Variants in NAV3 observed in about 807,000 individuals in gnomAD.
NAV3 encodes the protein pore membrane and/or filament interacting like protein 1.
In NAV3, 87 loss-of-function variants were observed where a neutral mutation model predicts 244.7. That is an observed-to-expected ratio of 0.36 (90% CI 0.30 to 0.42). The LOEUF (loss-of-function observed/expected upper bound fraction) is 0.42, where lower values mean the gene tolerates loss of function less well. NAV3 is among the 20% of genes least tolerant of loss of function. NAV3 has a pLI of 1.00. For missense variants in NAV3, 2,663 were observed against 2,893.3 expected (o/e 0.92, Z 1.83); for synonymous variants, 1,126 against 1,042.2 (o/e 1.08, Z -1.55).
chr12:77,916,950 T>C (rs1887206614), intron 1 of NAV3, among the ~76,000 whole-genome samples: 1 of 152,010 alleles, frequency 6.6e-6, no homozygotes, highest in African/African-American at 2.4e-5. Context: ...CAGTTTCTTC[T>C]CTGGCAATAT....
chr12:78,087,602 A>G (rs932296213), intron 12 of NAV3, among the ~76,000 whole-genome samples: 10 of 152,042 alleles, frequency 6.6e-5, no homozygotes, highest in African/African-American at 1.9e-4. Flanking sequence ...ATAATCTAGC[A>G]ATGGTCAAGG....
At chr12:77,740,167 A>G (rs1482511721) in intron 2 of NAV3, among the ~76,000 whole-genome samples, 1 of 152,188 alleles carries the variant, frequency 6.6e-6, no homozygotes, top group African/African-American at 2.4e-5. Flanking sequence ...GGGACTGAGA[A>G]CTGAACATGA....
chr12:78,090,243 A>G (rs1020646276), intron 12 of NAV3, among the ~76,000 whole-genome samples: 2 of 147,378 alleles, frequency 1.4e-5, no homozygotes, highest in Non-Finnish European at 3.0e-5. Context: ...TTATATATAT[A>G]TATCAAATTT....
At chr12:77,869,309 G>A (rs929018650) in intron 1 of NAV3, among the ~76,000 whole-genome samples, 4 of 151,974 alleles carry the variant, frequency 2.6e-5, no homozygotes, top group African/African-American at 7.3e-5. Context: ...TCTATTGGGG[G>A]CAAGGTTTTT....
At chr12:77,602,596 G>A (rs1301924454) in intron 2 of NAV3, among the ~76,000 whole-genome samples, 2 of 151,802 alleles carry the variant, frequency 1.3e-5, no homozygotes, top group Non-Finnish European at 2.9e-5. Flanking sequence ...GGTGCAGAGA[G>A]CCAATAAAAA....
At chr12:77,709,411 C>T (rs1875996307) in intron 2 of NAV3, among the ~76,000 whole-genome samples, 2 of 152,302 alleles carry the variant, frequency 1.3e-5, no homozygotes, top group South Asian at 4.1e-4. Context: ...GATGCCCTCT[C>T]TCACCACTCC....
At chr12:78,071,850 T>G (rs540524381) in intron 12 of NAV3, among the ~76,000 whole-genome samples, 29 of 152,158 alleles carry the variant, frequency 1.9e-4, no homozygotes, top group East Asian at 1.2e-3. Flanking sequence ...AGACCACAGT[T>G]CAATCAAACT....
chr12:78,102,941 C>A (rs2138238423), intron 12 of NAV3, among the ~76,000 whole-genome samples: 1 of 152,254 alleles, frequency 6.6e-6, no homozygotes. Context: ...GCTTCTGGAT[C>A]AGTGAAGGGT....
At chr12:77,870,510 T>C (rs566572114) in intron 1 of NAV3, among the ~76,000 whole-genome samples, 2 of 152,288 alleles carry the variant, frequency 1.3e-5, no homozygotes, top group South Asian at 4.2e-4. Flanking sequence ...TGTTTTTTAT[T>C]AGTTAGACAT....
At chr12:77,690,601 G>T (rs1346875172) in intron 2 of NAV3, among the ~76,000 whole-genome samples, 3 of 150,282 alleles carry the variant, frequency 2.0e-5, no homozygotes, top group African/African-American at 7.3e-5. Flanking sequence ...AGGTTTTTGC[G>T]GCCAGAAATC....
At chr12:77,885,704 T>C (rs955321495) in intron 1 of NAV3, among the ~76,000 whole-genome samples, 2 of 152,290 alleles carry the variant, frequency 1.3e-5, no homozygotes, top group African/African-American at 2.4e-5. Context: ...TCTGTTAAGA[T>C]GCACTTCAAT....
intron 9 of NAV3, among the ~76,000 whole-genome samples, chr12:78,023,607 G>A (rs1877512862): frequency 6.6e-6 from 1 of 152,148 alleles, no homozygotes; most frequent in Non-Finnish European, 1.5e-5. Flanking sequence ...TTTAAATGCA[G>A]CCTATAGTGG....
At chr12:78,170,149 C>A (rs1014551656) in intron 24 of NAV3, among the ~76,000 whole-genome samples, 2 of 151,696 alleles carry the variant, frequency 1.3e-5, no homozygotes, top group African/African-American at 4.8e-5. Context: ...GAGAACTCCA[C>A]GTGGATATCT....
At chr12:78,004,867 G>A (rs1873930036) in intron 7 of NAV3, among the ~76,000 whole-genome samples, 2 of 152,172 alleles carry the variant, frequency 1.3e-5, no homozygotes, top group African/African-American at 2.4e-5. Flanking sequence ...TGTTACAGCT[G>A]CTGTTATGAC....
At position 78,177,626 on chromosome 12, in the gene NAV3, C is replaced by T; in HGVS notation, c.5304C>T (p.Pro1768=). The T allele has an allele frequency of 6.3e-7, 1 of 1,597,162 alleles. No individual in the cohort carries two copies. The highest frequency in any genetic ancestry group is 8.5e-7 in the Non-Finnish European group (1 of 1,179,140). ...TAACTGTATGTACATACAGGTCACC[C>T]CTTGTCTGGCCACCAAAGAAACGAC... The part of the protein sequence containing the change: ...MKPSQSASAS[P]LVWPPKKRQN... Residue 1768 remains proline, a synonymous_variant, in exon 28 of 40, where the codon CCC becomes CCT. Coordinates refer to ENST00000397909, the MANE Select transcript of NAV3 (RefSeq NM_001024383.2).
chr12:77,654,806 A>G (rs978352393), intron 2 of NAV3, among the ~76,000 whole-genome samples: 4 of 150,416 alleles, frequency 2.7e-5, no homozygotes, highest in Admixed American at 6.6e-5. Context: ...TTCATGAAAA[A>G]CCACTGTTCT....
intron 9 of NAV3, among the ~76,000 whole-genome samples, chr12:78,032,751 G>C (rs1879209220): frequency 6.6e-6 from 1 of 152,168 alleles, no homozygotes; most frequent in Non-Finnish European, 1.5e-5. Flanking sequence ...TTTGGCTTGA[G>C]TTTTATTCTC....
intron 11 of NAV3, among the ~76,000 whole-genome samples, chr12:78,054,570 G>A (rs955898265): frequency 6.6e-6 from 1 of 152,170 alleles, no homozygotes; most frequent in Non-Finnish European, 1.5e-5. Context: ...TCAATTTCAG[G>A]AACTAGTGCA....
At chr12:77,941,052 C>T (rs770314896) in intron 2 of NAV3, 29 bp from the exon 3 acceptor site, 3 of 1,359,318 alleles carry the variant, frequency 2.2e-6, no homozygotes, top group Non-Finnish European at 2.0e-6. Flanking sequence ...TTCTTTTTTT[C>T]TCTCTTTTAT....
Sources: gnomAD v4.1 joint callset for allele counts (sites outside exome capture counted in the v4.1 genomes callset) on GRCh38, gnomAD v4.1.1 for gene constraint, MANE v1.5 for transcripts, NCBI Gene and HGNC (gene_info 2026-07-23, HGNC 2026-07-21) for gene names.